The following ZNF324B variants were observed in gnomAD, a reference collection of about 807,000 sequenced individuals.
ZNF324B encodes zinc finger protein 324B.
In ZNF324B, 7 loss-of-function variants were observed where a neutral mutation model predicts 10.6. The observed-to-expected ratio is 0.66, with a 90% CI of 0.38 to 1.24. The LOEUF (loss-of-function observed/expected upper bound fraction) is 1.24. ZNF324B is among the 50% of genes most tolerant of loss of function. The probability of loss-of-function intolerance (pLI) is 0.02; values close to 1 mark genes in which losing one functional copy is unlikely to be tolerated. For synonymous variants in ZNF324B, 316 were observed against 321.0 expected, an observed-to-expected ratio of 0.98 and a Z score of 0.17; for missense variants, 640 against 764.7, an observed-to-expected ratio of 0.84 and a Z score of 1.92.
At chr19:58,445,352 G>A in the ZNF324B span, 1 of 509,048 alleles carries the variant, frequency 2.0e-6, no homozygotes, top group South Asian at 1.4e-5. Context: ...CTCCTGCCTT[G>A]ATGTGCACAA....
chr19:58,446,943 CTTTTCTTTCTTTTCT>C (rs1568600990), upstream of ZNF324B, among the ~76,000 whole-genome samples: 1 of 149,728 alleles, frequency 6.7e-6, no homozygotes, highest in East Asian at 2.0e-4. Flanking sequence ...CTTTCCTTTC[CTTTTCTTTCTTTTCT>C]CGTCCTTTCT....
chr19:58,435,604 AT>A, the ZNF324B span: 69 of 165,438 alleles, frequency 4.2e-4, no homozygotes, highest in African/African-American at 6.9e-4. Context: ...ATAAAAAAAA[AT>A]AAATGACAAC....
At chr19:58,440,408 G>T in the ZNF324B span, 2 of 154,068 alleles carry the variant, frequency 1.3e-5, no homozygotes, top group African/African-American at 4.8e-5. Flanking sequence ...AGGCACTTCC[G>T]GGCGGAGTGT....
rs139909657 is a variant in ZNF324B, at chr19:58,453,749, G to C, written c.48G>C (p.Gly16=). 1.1e-3 allele frequency: 1,852 copies of C among 1,614,182 alleles called. 3 individuals are homozygous for C. The highest frequency in any genetic ancestry group is 1.5e-3 in the Non-Finnish European group (1,724 of 1,180,010). The change falls in exon 2 of 4, where the codon GGG becomes GGC. Residue 16 remains glycine (G), a synonymous_variant. Coordinates refer to ENST00000336614, the MANE Select transcript of ZNF324B (RefSeq NM_207395.3). ...VAVYFSQEEW[G]LLDTAQRALY... Reference sequence around the variant, plus strand: ...TGTACTTCTCCCAGGAGGAGTGGGGGCTCCTGGACACAGCGCAGAGGGCCC... The same window carrying C: ...TGTACTTCTCCCAGGAGGAGTGGGGCCTCCTGGACACAGCGCAGAGGGCCC...
At chr19:58,421,528 G>A in the ZNF324B span, among the ~76,000 whole-genome samples, 4 of 151,772 alleles carry the variant, frequency 2.6e-5, no homozygotes, top group Non-Finnish European at 5.9e-5. Context: ...TAACAGGTTC[G>A]CCGCACCATG....
Position 58,455,130 on chromosome 19 carries a change from T to C in ZNF324B, c.239-53T>C, listed in dbSNP as rs777770056. ...CCTTGCCTGTCCACTCAGCCTGCCC[T>C]GGTCCTCTCCTAACCAGGATGCCCC... On this transcript the variant is annotated intron_variant, in intron 3 of 3. Transcript: ENST00000336614. The surrounding 1 kb of genome is among the most constrained non-coding windows in gnomAD (Gnocchi z 7.0). The C allele has an allele frequency of 1.2e-6, 2 of 1,612,772 alleles. No individual in the cohort carries two copies. The highest frequency in any genetic ancestry group is 8.5e-7 in the Non-Finnish European group (1 of 1,179,378).
At chr19:58,442,193 G>A in the ZNF324B span, 1 of 109,420 alleles carries the variant, frequency 9.1e-6, no homozygotes, top group Non-Finnish European at 1.6e-5. Flanking sequence ...ACGGAGTCTC[G>A]CTCTGTCGCC....
the ZNF324B span, chr19:58,434,956 T>C: frequency 6.2e-7 from 1 of 1,614,180 alleles, no homozygotes; most frequent in Non-Finnish European, 8.5e-7. Context: ...TCCACTGTGC[T>C]CCTTCTGGTG....
At chr19:58,445,275 A>C in the ZNF324B span, 5 of 391,572 alleles carry the variant, frequency 1.3e-5, no homozygotes, top group East Asian at 1.6e-4. Context: ...TCTCAATTTT[A>C]ATCCTATTTA....
chr19:58,425,823 G>C, the ZNF324B span, among the ~76,000 whole-genome samples: 8 of 152,134 alleles, frequency 5.3e-5, no homozygotes, highest in Non-Finnish European at 2.9e-5. Context: ...AGGTCACATA[G>C]TAGGTAGGAT....
At chr19:58,421,950 C>G in the ZNF324B span, among the ~76,000 whole-genome samples, 1 of 152,168 alleles carries the variant, frequency 6.6e-6, no homozygotes, top group Non-Finnish European at 1.5e-5. Flanking sequence ...TTTTGACTCG[C>G]TCTGTAACCC....
rs1323059918 is a variant in ZNF324B, at chr19:58,456,599, A to G, written c.*20A>G. The G allele has an allele frequency of 8.7e-6, 14 of 1,604,228 alleles. No individual in the cohort carries two copies. The highest frequency in any genetic ancestry group is 5.1e-5 in the Admixed American group (3 of 59,324). On this transcript the variant is annotated 3_prime_UTR_variant, in exon 4 of 4. Coordinates refer to ENST00000336614, the MANE Select transcript of ZNF324B (RefSeq NM_207395.3). The surrounding 1 kb of genome is among the most constrained non-coding windows in gnomAD (Gnocchi z 4.7). ...GTCTGAGGTCACAGGTCGCAGCCCA[A>G]CCCTTTCTTGGCCTTCTGTGAATCC... is the stretch of plus-strand genomic sequence containing the variant.
At chr19:58,454,194 C>T (rs1345919638) in intron 2 of ZNF324B, 34 bp from the exon 3 acceptor site, 21 of 1,465,412 alleles carry the variant, frequency 1.4e-5, no homozygotes, top group Middle Eastern at 1.8e-4. Flanking sequence ...TTGTCTTGAC[C>T]TGGGGCTGGG....
At chr19:58,436,557 A>G in the ZNF324B span, among the ~76,000 whole-genome samples, 1 of 150,820 alleles carries the variant, frequency 6.6e-6, no homozygotes, top group Non-Finnish European at 1.5e-5. Flanking sequence ...AGTCCCAGCT[A>G]CTTGGGAGGC....
the ZNF324B span, chr19:58,433,727 A>C: frequency 6.2e-7 from 1 of 1,613,850 alleles, no homozygotes; most frequent in African/African-American, 1.3e-5. Flanking sequence ...CATTCATTGC[A>C]CTCATAAGGC....
the ZNF324B span, among the ~76,000 whole-genome samples, chr19:58,427,443 CT>C: frequency 0.017 from 1,274 of 75,076 alleles, 62 homozygotes; most frequent in African/African-American, 0.036. Context: ...TCCTTCCTTC[CT>C]TTCCTTTCCC....
rs768602079 is a variant in ZNF324B at position 58,453,833 on chromosome 19, G to C, written c.121+11G>C. ...TTGTGACCTCACTTGGTAAGGCCCT[G>C]GGTGCTCCATGAAAAGTGCACTTGG... On this transcript the variant is annotated intron_variant, in intron 2 of 3. Transcript: ENST00000336614. 5.6e-6 allele frequency: 9 copies of C among 1,610,952 alleles called. No homozygotes were observed. The highest frequency in any genetic ancestry group is 6.8e-6 in the Non-Finnish European group (8 of 1,178,146).
chr19:58,449,765 A>T (rs1029573968), upstream of ZNF324B, among the ~76,000 whole-genome samples: 3 of 152,180 alleles, frequency 2.0e-5, no homozygotes, highest in Non-Finnish European at 4.4e-5. Flanking sequence ...CCCCAATTGT[A>T]TCTAGGAAGT....
At chr19:58,440,985 AGT>A in the ZNF324B span, 2 of 152,398 alleles carry the variant, frequency 1.3e-5, no homozygotes, top group Non-Finnish European at 2.9e-5. Flanking sequence ...CCCACTGAAC[AGT>A]GTGGAGCGTT....
Sources: allele counts gnomAD v4.1 joint callset (sites outside exome capture counted in the v4.1 genomes callset), GRCh38; gene constraint gnomAD v4.1.1; non-coding constraint Gnocchi (gnomAD v3.1); transcripts MANE v1.5; gene names NCBI Gene and HGNC (gene_info 2026-07-23, HGNC 2026-07-21).